FAM178B: variants seen among roughly 807,000 people sequenced by gnomAD.
The protein encoded by FAM178B is family with sequence similarity 178 member B, also known as protein FAM178B.
In FAM178B, 82 loss-of-function variants were observed where a neutral mutation model predicts 91.7. The observed-to-expected ratio is 0.89, with a 90% CI of 0.75 to 1.07. The LOEUF (loss-of-function observed/expected upper bound fraction) is 1.07. Among genes scored for constraint, FAM178B ranks in the 50% least tolerant of loss-of-function variants. The pLI, the probability that FAM178B is intolerant of heterozygous loss-of-function variation, is 0.00. For missense variants in FAM178B, 769 were observed against 846.7 expected (o/e 0.91, Z 1.14); for synonymous variants, 368 against 359.4 (o/e 1.02, Z -0.27).
intron 10 of FAM178B, among the ~76,000 whole-genome samples, chr2:96,922,161 CGT>C (rs2081352435): frequency 6.6e-6 from 1 of 152,124 alleles, no homozygotes. Flanking sequence ...TTACACATGC[CGT>C]GGCAATGTCA....
At chr2:96,944,080 T>C (rs1164604305) in intron 8 of FAM178B, among the ~76,000 whole-genome samples, 1 of 151,840 alleles carries the variant, frequency 6.6e-6, no homozygotes, top group Non-Finnish European at 1.5e-5. Flanking sequence ...CTGTCTCTAC[T>C]AAAAATACAA....
chr2:96,915,788 C>T (rs2081231646), intron 12 of FAM178B, among the ~76,000 whole-genome samples: 1 of 151,034 alleles, frequency 6.6e-6, no homozygotes, highest in Non-Finnish European at 1.5e-5. Flanking sequence ...TGCACTCCAG[C>T]CTGGGCGACA....
At chr2:96,882,274 A>C (rs2080404060) in intron 14 of FAM178B, among the ~76,000 whole-genome samples, 1 of 152,248 alleles carries the variant, frequency 6.6e-6, no homozygotes, top group Non-Finnish European at 1.5e-5. Context: ...AGGAGCAGGC[A>C]GACCCTGAGT....
chr2:96,902,594 T>G (rs2080955016), intron 13 of FAM178B, 26 bp downstream of exon 13: 7 of 1,507,228 alleles, frequency 4.6e-6, no homozygotes, highest in Non-Finnish European at 6.3e-6. Flanking sequence ...ATGGCCTTCC[T>G]GCCCAGGCCT....
At chr2:96,944,617 C>G (rs947799440) in intron 8 of FAM178B, among the ~76,000 whole-genome samples, 1 of 152,178 alleles carries the variant, frequency 6.6e-6, no homozygotes, top group African/African-American at 2.4e-5. Context: ...CCTGAGACTG[C>G]GCATCTACTG....
At chr2:96,899,337 C>A (rs1274260146) in intron 13 of FAM178B, among the ~76,000 whole-genome samples, 1 of 152,230 alleles carries the variant, frequency 6.6e-6, no homozygotes, top group Non-Finnish European at 1.5e-5. Flanking sequence ...CCCCTCTCTT[C>A]TGAGGTCATC....
At chr2:96,950,440 G>C (rs903854455) in intron 7 of FAM178B, among the ~76,000 whole-genome samples, 5 of 152,198 alleles carry the variant, frequency 3.3e-5, no homozygotes, top group African/African-American at 7.2e-5. Context: ...CGAAGGGAGA[G>C]CTGGAGGGCT....
rs1327438564 is a variant in FAM178B at position 96,929,296 on chromosome 2, G to A, written c.1103C>T (p.Pro368Leu). The A allele has an allele frequency of 6.4e-7, 1 of 1,551,464 alleles. No individual in the cohort carries two copies. The highest frequency in any genetic ancestry group is 8.7e-7 in the Non-Finnish European group (1 of 1,146,814). ...TGCCTCCCTGACTTCTTGCAGTGAG[G>A]GGCACCACAGGTGCTTGTCTTCATC... ...QPDEDKHLWCPSLQEVREAFH... is the reference protein window; with the variant it reads ...QPDEDKHLWCLSLQEVREAFH... The change falls in exon 9 of 17, where the codon CCC becomes CTC. Residue 368 changes from proline (P) to leucine (L), a missense_variant. Pro to Leu is a moderately conservative substitution (Grantham distance 98). Transcript: ENST00000490605.
intron 8 of FAM178B, among the ~76,000 whole-genome samples, chr2:96,934,051 G>A (rs1574270619): frequency 1.3e-5 from 2 of 152,186 alleles, no homozygotes; most frequent in Admixed American, 6.5e-5. Context: ...CATTTCAACC[G>A]TGCATTCACT....
At chr2:96,902,521 C>T in intron 13 of FAM178B, 99 bp downstream of exon 13, 1 of 806,270 alleles carries the variant, frequency 1.2e-6, no homozygotes, top group Admixed American at 2.1e-5. Flanking sequence ...GAGTTCAGAG[C>T]CAGCTTAGCT....
chr2:96,877,512 C>T (rs2080273349), intron 16 of FAM178B, among the ~76,000 whole-genome samples: 1 of 152,060 alleles, frequency 6.6e-6, no homozygotes, highest in Admixed American at 6.5e-5. Context: ...AAGGGATTCT[C>T]CTGCCTCAGC....
intron 6 of FAM178B, among the ~76,000 whole-genome samples, chr2:96,954,706 T>C (rs912164220): frequency 1.3e-5 from 2 of 152,204 alleles, no homozygotes; most frequent in South Asian, 2.1e-4. Context: ...TAGAAACCAA[T>C]AGCAACCAAA....
Position 96,876,194 on chromosome 2 carries a change from G to A in FAM178B, c.*82C>T. 1 of 1,457,510 alleles carries A rather than the reference G, an allele frequency of 6.9e-7. No individual in the cohort carries two copies. Among genetic ancestry groups the A allele is most frequent in the Non-Finnish European group, 9.4e-7 (1 of 1,058,660 alleles). 90.3% of individuals were successfully genotyped at this position (1,457,510 alleles called of 1,614,324 possible). A position where few individuals can be genotyped will look rare whatever the true frequency, so the allele number is the denominator to read the frequency against. ...TCAGCATGTGGCCTCCTCTGGCCTTGATGCTTCGCTTCCTCCAGTTCCCTG... is the reference window on the plus strand; with the variant it reads ...TCAGCATGTGGCCTCCTCTGGCCTTAATGCTTCGCTTCCTCCAGTTCCCTG... On this transcript the variant is annotated 3_prime_UTR_variant, in exon 17 of 17. Transcript: ENST00000490605.
intron 14 of FAM178B, among the ~76,000 whole-genome samples, chr2:96,882,265 G>A (rs2080403447): frequency 6.6e-6 from 1 of 152,224 alleles, no homozygotes; most frequent in Admixed American, 6.5e-5. Context: ...TCTGTAGCCA[G>A]GAGCAGGCAG....
intron 12 of FAM178B, among the ~76,000 whole-genome samples, chr2:96,905,854 A>ACG (rs2081039270): frequency 4.6e-5 from 1 of 21,660 alleles, no homozygotes; most frequent in African/African-American, 2.3e-4. Flanking sequence ...ATATATATAT[A>ACG]TATATATTTT....
intron 6 of FAM178B, chr2:96,956,843 G>T (rs981079640): frequency 2.6e-5 from 4 of 152,184 alleles, no homozygotes; most frequent in Non-Finnish European, 5.9e-5. Context: ...GTATGGAATT[G>T]GACTGACAGC....
At chr2:96,966,544 C>T (rs555701150) in intron 5 of FAM178B, among the ~76,000 whole-genome samples, 5 of 152,254 alleles carry the variant, frequency 3.3e-5, no homozygotes, top group East Asian at 1.9e-4. Flanking sequence ...TGCCACATCC[C>T]GAAGCTACAG....
In FAM178B at chr2:96,951,497, G is replaced by C; in HGVS notation, c.888-13C>G. ...GGCTGGCGGGGAGCTGGGAGGCAGA[G>C]GGCTGAGGTTAGGGGAGGCCTCTGT... On this transcript the variant is annotated splice_polypyrimidine_tract_variant and intron_variant, in intron 6 of 16. Coordinates refer to ENST00000490605, the MANE Select transcript of FAM178B (RefSeq NM_001122646.3). The C allele has an allele frequency of 6.5e-7, 1 of 1,548,532 alleles. No individual in the cohort carries two copies.
chr2:96,897,520 G>T (rs1468532332), intron 13 of FAM178B, among the ~76,000 whole-genome samples: 1 of 152,160 alleles, frequency 6.6e-6, no homozygotes, highest in African/African-American at 2.4e-5. Context: ...CCCCAAACCT[G>T]CTCCAGCTGC....
Sources: allele counts gnomAD v4.1 joint callset (sites outside exome capture counted in the v4.1 genomes callset), GRCh38; gene constraint gnomAD v4.1.1; transcripts MANE v1.5; gene names NCBI Gene and HGNC (gene_info 2026-07-23, HGNC 2026-07-21).